VWA8: variants seen among roughly 807,000 people sequenced by gnomAD.
VWA8 encodes von Willebrand factor A domain-containing protein 8.
In VWA8, 221 loss-of-function variants were observed where a neutral mutation model predicts 241.5. That is an observed-to-expected ratio of 0.91 (90% CI 0.82 to 1.02). VWA8 has a LOEUF of 1.02. VWA8 is among the 50% of genes least tolerant of loss of function. The pLI is 0.00. For synonymous variants in VWA8, 852 were observed against 827.1 expected, an observed-to-expected ratio of 1.03 and a Z score of -0.52; for missense variants, 2,322 against 2,328.7, an observed-to-expected ratio of 1.00 and a Z score of 0.06.
intron 37 of VWA8, among the ~76,000 whole-genome samples, chr13:41,622,397 A>G (rs1454613814): frequency 2.0e-5 from 3 of 152,190 alleles, no homozygotes; most frequent in African/African-American, 7.2e-5. Flanking sequence ...AAGCATTTGG[A>G]ATGTACTTCC....
intron 26 of VWA8, among the ~76,000 whole-genome samples, chr13:41,710,772 G>T (rs1199834924): frequency 6.6e-6 from 1 of 152,206 alleles, no homozygotes; most frequent in Non-Finnish European, 1.5e-5. Context: ...TTTTATGTTA[G>T]TTGGATAAAC....
intron 12 of VWA8, among the ~76,000 whole-genome samples, chr13:41,851,346 T>C (rs1872525500): frequency 6.6e-6 from 1 of 152,222 alleles, no homozygotes; most frequent in Admixed American, 6.5e-5. Flanking sequence ...TGCTTTTCAG[T>C]GGCTGGCTTA....
rs1305315578 is a variant in VWA8, at chr13:41,937,310, C to T, written c.241+12626G>A. On this transcript the variant is annotated intron_variant, in intron 2 of 44. Transcript: ENST00000379310. ...AATATATAATTAAATAATTATACAA[C>T]TCACCATAATGTAGAATCAGTGGGA... is the stretch of plus-strand genomic sequence containing the variant. Among the ~76,000 whole-genome samples, 3 of 152,136 alleles carry T rather than the reference C, an allele frequency of 2.0e-5. No homozygotes were observed. In the South Asian group the frequency reaches 6.2e-4, roughly 32 times the overall value.
chr13:41,751,039 T>C (rs183136549), intron 21 of VWA8, among the ~76,000 whole-genome samples: 22 of 152,292 alleles, frequency 1.4e-4, no homozygotes, highest in Non-Finnish European at 2.9e-5. Context: ...ACAGTAATGG[T>C]ATTGATCTCA....
intron 21 of VWA8, among the ~76,000 whole-genome samples, chr13:41,755,566 A>G (rs2045688729): frequency 6.6e-6 from 1 of 151,946 alleles, no homozygotes; most frequent in South Asian, 2.1e-4. Flanking sequence ...AGCCACTTTC[A>G]GAATTACTAT....
intron 21 of VWA8, among the ~76,000 whole-genome samples, chr13:41,748,226 C>T (rs1180842018): frequency 1.3e-5 from 2 of 152,138 alleles, no homozygotes; most frequent in Non-Finnish European, 1.5e-5. Context: ...TCCATCTGGT[C>T]CTGAACTTTT....
chr13:41,755,899 T>C (rs1190034079), intron 21 of VWA8, among the ~76,000 whole-genome samples: 1 of 151,724 alleles, frequency 6.6e-6, no homozygotes, highest in Admixed American at 6.6e-5. Flanking sequence ...AATTTAGGCA[T>C]TCACATCAAA....
At chr13:41,892,671 T>A (rs1874902467) in intron 4 of VWA8, among the ~76,000 whole-genome samples, 1 of 152,184 alleles carries the variant, frequency 6.6e-6, no homozygotes, top group Non-Finnish European at 1.5e-5. Context: ...ATGGGGTCCC[T>A]CAGACCCCAT....
At chr13:41,739,204 T>C (rs1443190568) in intron 21 of VWA8, among the ~76,000 whole-genome samples, 1 of 152,202 alleles carries the variant, frequency 6.6e-6, no homozygotes, top group Non-Finnish European at 1.5e-5. Context: ...ACTAATAATG[T>C]ACCATCTTTA....
intron 21 of VWA8, 40 bp downstream of exon 21, chr13:41,761,088 A>T: frequency 6.3e-7 from 1 of 1,581,532 alleles, no homozygotes; most frequent in Non-Finnish European, 8.6e-7. Context: ...ACAAATGATT[A>T]AATGAGATTT....
chr13:41,588,364 T>C (rs1189956024), intron 41 of VWA8, among the ~76,000 whole-genome samples: 1 of 152,328 alleles, frequency 6.6e-6, no homozygotes. Flanking sequence ...TTAAGTTTGA[T>C]TTTAGACCCA....
intron 37 of VWA8, among the ~76,000 whole-genome samples, chr13:41,641,803 G>GA (rs57144853): frequency 0.19 from 28,302 of 148,530 alleles, 3,272 homozygotes; most frequent in South Asian, 0.29. Context: ...ATTTTTATGG[G>GA]AAAAAAAAAA....
chr13:41,870,153 C>T (rs1873521628), intron 9 of VWA8, among the ~76,000 whole-genome samples: 1 of 152,044 alleles, frequency 6.6e-6, no homozygotes, highest in Admixed American at 6.6e-5. Context: ...TTAAAAAGTT[C>T]TATATTTCAT....
At chr13:41,873,450 G>C (rs1156839266) in intron 9 of VWA8, among the ~76,000 whole-genome samples, 1 of 151,544 alleles carries the variant, frequency 6.6e-6, no homozygotes, top group Non-Finnish European at 1.5e-5. Context: ...GACTAATAAA[G>C]AAAAAAAGAG....
intron 14 of VWA8, among the ~76,000 whole-genome samples, chr13:41,823,132 T>G (rs1871032832): frequency 6.6e-6 from 1 of 152,078 alleles, no homozygotes; most frequent in Non-Finnish European, 1.5e-5. Context: ...TTTAAAAAAT[T>G]TATATGGTCT....
chr13:41,833,621 T>A, intron 12 of VWA8, 90 bp from the exon 13 acceptor site: 1 of 1,370,002 alleles, frequency 7.3e-7, no homozygotes, highest in Non-Finnish European at 9.6e-7. Context: ...TAGAGTCACC[T>A]CCGTCTGAAC....
chr13:41,573,309 T>C (rs71425025), intron 43 of VWA8, among the ~76,000 whole-genome samples: 24,370 of 149,008 alleles, frequency 0.16, 2,151 homozygotes, highest in Admixed American at 0.25. Flanking sequence ...TACCAGCTAC[T>C]TGGGAGGCTG....
chr13:41,927,250 A>G (rs534530080), intron 2 of VWA8: 18 of 496,196 alleles, frequency 3.6e-5, no homozygotes, highest in South Asian at 1.8e-4. Flanking sequence ...TTCCAACAAC[A>G]TCAAGGAAGT....
At chr13:41,803,459 C>G (rs570870684) in intron 17 of VWA8, among the ~76,000 whole-genome samples, 2 of 152,306 alleles carry the variant, frequency 1.3e-5, no homozygotes, top group South Asian at 4.1e-4. Flanking sequence ...CTCACAGTTC[C>G]ATGTGGGTGG....
Sources: gnomAD v4.1 joint callset for allele counts (sites outside exome capture counted in the v4.1 genomes callset) on GRCh38, gnomAD v4.1.1 for gene constraint, MANE v1.5 for transcripts, NCBI Gene and HGNC (gene_info 2026-07-23, HGNC 2026-07-21) for gene names.